Variants in EPB41L4B observed in about 807,000 individuals in gnomAD.
The protein encoded by EPB41L4B is band 4.1-like protein 4B.
Under a neutral mutation model 112.5 loss-of-function variants are expected in EPB41L4B, and 30 were observed. The observed-to-expected ratio is 0.27, with a 90% CI of 0.20 to 0.36. The LOEUF (loss-of-function observed/expected upper bound fraction) is 0.36. EPB41L4B is among the 10% of genes least tolerant of loss of function. The pLI is 1.00. For synonymous variants in EPB41L4B, 408 were observed against 439.7 expected (o/e 0.93, Z 0.90); for missense variants, 1,024 against 1,133.3 (o/e 0.90, Z 1.38).
At chr9:109,272,767 A>G (rs1835671356) in intron 2 of EPB41L4B, among the ~76,000 whole-genome samples, 3 of 152,202 alleles carry the variant, frequency 2.0e-5, no homozygotes, top group African/African-American at 7.2e-5. Flanking sequence ...ACATATATAT[A>G]GTTTGTGTTT....
intron 1 of EPB41L4B, among the ~76,000 whole-genome samples, chr9:109,319,935 G>C (rs1837789722): frequency 6.6e-6 from 1 of 152,174 alleles, no homozygotes; most frequent in African/African-American, 2.4e-5. Context: ...CCAAGGAGGG[G>C]GCACGGGCCA....
At chr9:109,288,704 C>A (rs1261711205) in intron 1 of EPB41L4B, among the ~76,000 whole-genome samples, 1 of 102,348 alleles carries the variant, frequency 9.8e-6, no homozygotes, top group African/African-American at 4.1e-5. Flanking sequence ...GCCTTGGTGA[C>A]AGAGCGAGAC....
intron 2 of EPB41L4B, among the ~76,000 whole-genome samples, chr9:109,272,044 CAGG>C (rs1174609249): frequency 6.6e-6 from 1 of 152,200 alleles, no homozygotes; most frequent in Non-Finnish European, 1.5e-5. Flanking sequence ...CAGAGCAGCT[CAGG>C]AGTTGAAGAG....
intron 20 of EPB41L4B, among the ~76,000 whole-genome samples, chr9:109,196,996 G>A (rs1288722380): frequency 1.3e-5 from 2 of 152,144 alleles, no homozygotes; most frequent in African/African-American, 2.4e-5. Flanking sequence ...CAGCCAAAAG[G>A]GCGATGTGTG....
chr9:109,281,730 T>A (rs10979797), intron 1 of EPB41L4B, among the ~76,000 whole-genome samples: 13,339 of 82,854 alleles, frequency 0.16, 704 homozygotes, highest in Middle Eastern at 0.2. Context: ...ATAAATTAAT[T>A]AATTAATTTT....
intron 19 of EPB41L4B, among the ~76,000 whole-genome samples, chr9:109,201,383 G>A (rs1252225134): frequency 6.7e-6 from 1 of 150,126 alleles, no homozygotes; most frequent in Admixed American, 6.7e-5. Flanking sequence ...CCAGGAGGTC[G>A]AGGCTGCAAT....
At chr9:109,262,207 T>C (rs1835228709) in intron 6 of EPB41L4B, among the ~76,000 whole-genome samples, 1 of 152,112 alleles carries the variant, frequency 6.6e-6, no homozygotes, top group Non-Finnish European at 1.5e-5. Context: ...CTGACATTAA[T>C]GCTTCCAGTC....
intron 1 of EPB41L4B, among the ~76,000 whole-genome samples, chr9:109,305,233 G>A (rs1837135666): frequency 6.6e-6 from 1 of 151,468 alleles, no homozygotes; most frequent in Non-Finnish European, 1.5e-5. Flanking sequence ...GAGGATGGGG[G>A]GAATGATGGG....
intron 1 of EPB41L4B, among the ~76,000 whole-genome samples, chr9:109,309,755 C>CAGAGAGAG (rs34950010): frequency 2.8e-4 from 40 of 142,226 alleles, no homozygotes; most frequent in South Asian, 7.1e-4. Flanking sequence ...AATACACACA[C>CAGAGAGAG]AGAGAGAGAG....
chr9:109,216,878 A>T (rs1472384715), intron 16 of EPB41L4B, 44 bp downstream of exon 16: 3 of 1,584,846 alleles, frequency 1.9e-6, no homozygotes, highest in East Asian at 2.2e-5. Context: ...GCCCTGCAGC[A>T]TTGCTCCCCC....
chr9:109,315,368 T>C (rs1837593827), intron 1 of EPB41L4B, among the ~76,000 whole-genome samples: 1 of 152,214 alleles, frequency 6.6e-6, no homozygotes, highest in South Asian at 2.1e-4. Flanking sequence ...GGGTGTGCTC[T>C]GGGAATTTTA....
chr9:109,268,241 C>T, intron 3 of EPB41L4B, 150 bp downstream of exon 3: 1 of 732,518 alleles, frequency 1.4e-6, no homozygotes. Context: ...CTTTGGCTAG[C>T]CTTAAGAAAT....
At chr9:109,198,262 T>C (rs1158365760) in intron 20 of EPB41L4B, among the ~76,000 whole-genome samples, 1 of 152,136 alleles carries the variant, frequency 6.6e-6, no homozygotes, top group African/African-American at 2.4e-5. Context: ...GCACTCTGGG[T>C]ACCCCCTAAA....
At chr9:109,284,377 G>A (rs1836188470) in intron 1 of EPB41L4B, among the ~76,000 whole-genome samples, 2 of 152,126 alleles carry the variant, frequency 1.3e-5, no homozygotes, top group South Asian at 2.1e-4. Flanking sequence ...TCTATATTAG[G>A]ATGAAGCATA....
intron 1 of EPB41L4B, among the ~76,000 whole-genome samples, chr9:109,304,789 A>G (rs551370833): frequency 1.8e-4 from 28 of 152,308 alleles, no homozygotes; most frequent in African/African-American, 6.7e-4. Flanking sequence ...CAGACATAAA[A>G]TGCCACATAT....
At chr9:109,242,705 C>CA (rs796155401) in intron 15 of EPB41L4B, among the ~76,000 whole-genome samples, 95 of 152,212 alleles carry the variant, frequency 6.2e-4, no homozygotes, top group African/African-American at 2.3e-3. Context: ...CATACTTTCT[C>CA]AGAGAAAGGC....
intron 23 of EPB41L4B, among the ~76,000 whole-genome samples, chr9:109,183,720 G>A (rs16913897): frequency 0.017 from 2,663 of 152,238 alleles, 84 homozygotes; most frequent in African/African-American, 0.059. Flanking sequence ...CATACCACCC[G>A]CCAGCAGAGG....
chr9:109,235,004 G>A (rs1252199392), intron 15 of EPB41L4B, among the ~76,000 whole-genome samples: 1 of 152,206 alleles, frequency 6.6e-6, no homozygotes, highest in East Asian at 1.9e-4. Flanking sequence ...AGGTGGGAAT[G>A]GAGCAGACGC....
chr9:109,263,910 T>C (rs753997), intron 5 of EPB41L4B, among the ~76,000 whole-genome samples: 72,398 of 152,114 alleles, frequency 0.48, 17,479 homozygotes, highest in East Asian at 0.68. Flanking sequence ...CAAAGCAGGC[T>C]AAACTGCATG....
Sources: gnomAD v4.1 joint callset for allele counts (sites outside exome capture counted in the v4.1 genomes callset) on GRCh38, gnomAD v4.1.1 for gene constraint, MANE v1.5 for transcripts, NCBI Gene and HGNC (gene_info 2026-07-23, HGNC 2026-07-21) for gene names.